Variants in TRABD2B observed in about 807,000 individuals in gnomAD.
TRABD2B encodes metalloprotease TIKI2.
Under a neutral mutation model 40.1 loss-of-function variants are expected in TRABD2B, and 14 were observed. That is an observed-to-expected ratio of 0.35 (90% CI 0.23 to 0.55). The LOEUF (loss-of-function observed/expected upper bound fraction) is 0.55, where lower values mean the gene tolerates loss of function less well. Ranked by LOEUF, TRABD2B falls within the 20% of genes least tolerant of loss-of-function variation. TRABD2B has a pLI of 0.90. For missense variants in TRABD2B, 541 were observed against 648.6 expected (o/e 0.83, Z 1.80); for synonymous variants, 263 against 277.0 (o/e 0.95, Z 0.50).
chr1:47,961,684 A>T (rs1645518392), intron 2 of TRABD2B, among the ~76,000 whole-genome samples: 1 of 152,178 alleles, frequency 6.6e-6, no homozygotes. Context: ...CACCAGTTAG[A>T]ATGGCGATCA....
chr1:47,917,598 G>A (rs572617515), intron 2 of TRABD2B, among the ~76,000 whole-genome samples: 1 of 152,200 alleles, frequency 6.6e-6, no homozygotes, highest in South Asian at 2.1e-4. Flanking sequence ...ATGGTGGCAT[G>A]TGCCATGTGC....
intron 2 of TRABD2B, among the ~76,000 whole-genome samples, chr1:47,972,145 A>G (rs1645690675): frequency 1.3e-5 from 2 of 152,230 alleles, no homozygotes; most frequent in Non-Finnish European, 2.9e-5. Flanking sequence ...ATTACAATAA[A>G]TTAAATACTG....
intron 2 of TRABD2B, among the ~76,000 whole-genome samples, chr1:47,880,524 C>A (rs1034516436): frequency 1.3e-5 from 2 of 152,108 alleles, no homozygotes; most frequent in Admixed American, 6.5e-5. Context: ...GCATGGAACG[C>A]GGATACCAGG....
intron 2 of TRABD2B, among the ~76,000 whole-genome samples, chr1:47,977,779 T>C (rs1305569506): frequency 6.6e-6 from 1 of 151,536 alleles, no homozygotes; most frequent in African/African-American, 2.4e-5. Flanking sequence ...TTGAAAAGTA[T>C]GCCTCTGGAT....
Position 47,765,030 on chromosome 1 carries a change from C to T in TRABD2B, c.*872G>A, listed in dbSNP as rs74775502. The T allele has an allele frequency of 0.014, 2,090 of 152,384 alleles. 18 individuals carry two copies. Among genetic ancestry groups the T allele is most frequent in the Non-Finnish European group, 0.023 (1,558 of 68,096 alleles). 9.4% of individuals were successfully genotyped at this position (152,384 alleles called of 1,614,324 possible). ...CTAAAACTGCCCTCCTGTGCCCACT[C>T]CAGTCCCTCGGCCCAGCTCAATCCA... On this transcript the variant is annotated 3_prime_UTR_variant, in exon 7 of 7. Transcript: ENST00000606738.
chr1:47,973,129 C>T (rs539079825), intron 2 of TRABD2B, among the ~76,000 whole-genome samples: 5 of 152,296 alleles, frequency 3.3e-5, no homozygotes, highest in African/African-American at 9.6e-5. Flanking sequence ...CCAAGAGATG[C>T]TGATTTAGTG....
chr1:47,792,122 C>T (rs931053611), intron 4 of TRABD2B, among the ~76,000 whole-genome samples: 4 of 152,194 alleles, frequency 2.6e-5, no homozygotes, highest in Non-Finnish European at 5.9e-5. Flanking sequence ...AGGATCTGCA[C>T]GTGGCTCCAG....
chr1:47,960,964 C>T (rs1019631761), intron 2 of TRABD2B, among the ~76,000 whole-genome samples: 1 of 152,096 alleles, frequency 6.6e-6, no homozygotes, highest in African/African-American at 2.4e-5. Context: ...TCAAACTATA[C>T]TACAAGGCTA....
At chr1:47,948,040 C>T (rs1163169579) in intron 2 of TRABD2B, among the ~76,000 whole-genome samples, 1 of 152,160 alleles carries the variant, frequency 6.6e-6, no homozygotes, top group African/African-American at 2.4e-5. Flanking sequence ...GACATGGACT[C>T]TTAAATCTGT....
chr1:47,952,444 GC>G (rs1645358827), intron 2 of TRABD2B, among the ~76,000 whole-genome samples: 2 of 152,184 alleles, frequency 1.3e-5, no homozygotes, highest in Non-Finnish European at 2.9e-5. Flanking sequence ...GGGCAGCCAA[GC>G]CCACAATGGC....
At chr1:47,821,992 T>C (rs1645116509) in intron 2 of TRABD2B, among the ~76,000 whole-genome samples, 2 of 152,158 alleles carry the variant, frequency 1.3e-5, no homozygotes. Flanking sequence ...TGTTCTCTCG[T>C]AGACATTCAC....
At chr1:47,952,928 G>A (rs572275075) in intron 2 of TRABD2B, among the ~76,000 whole-genome samples, 1 of 152,242 alleles carries the variant, frequency 6.6e-6, no homozygotes, top group East Asian at 1.9e-4. Context: ...GAAGGTGCGG[G>A]TCTCCTCTTG....
At chr1:47,828,462 G>C (rs907111298) in intron 2 of TRABD2B, among the ~76,000 whole-genome samples, 42 of 152,318 alleles carry the variant, frequency 2.8e-4, no homozygotes, top group African/African-American at 9.1e-4. Flanking sequence ...ACTGGGATTT[G>C]ACAGTGCACG....
intron 6 of TRABD2B, among the ~76,000 whole-genome samples, chr1:47,767,278 G>T (rs1017247874): frequency 6.6e-6 from 1 of 152,198 alleles, no homozygotes; most frequent in Non-Finnish European, 1.5e-5. Context: ...AGACAGAGGA[G>T]CCCACAAGCC....
chr1:47,931,724 T>C (rs1011965060), intron 2 of TRABD2B, among the ~76,000 whole-genome samples: 1 of 151,992 alleles, frequency 6.6e-6, no homozygotes, highest in African/African-American at 2.4e-5. Flanking sequence ...AATACCCGAG[T>C]GAACTCTCAG....
intron 2 of TRABD2B, among the ~76,000 whole-genome samples, chr1:47,817,403 G>A (rs1037069546): frequency 3.3e-5 from 5 of 152,022 alleles, no homozygotes; most frequent in African/African-American, 7.2e-5. Context: ...GAAACGGTGC[G>A]TCCAGGGGTC....
At chr1:47,828,444 A>G (rs940281381) in intron 2 of TRABD2B, among the ~76,000 whole-genome samples, 3 of 152,182 alleles carry the variant, frequency 2.0e-5, no homozygotes, top group African/African-American at 7.2e-5. Flanking sequence ...TAATTGTGCT[A>G]GAAAGTCACT....
At chr1:47,766,359 C>G (rs992473976) in intron 6 of TRABD2B, among the ~76,000 whole-genome samples, 2 of 152,238 alleles carry the variant, frequency 1.3e-5, no homozygotes, top group African/African-American at 2.4e-5. Flanking sequence ...GTTGTCACAT[C>G]TCAGCCACTC....
At chr1:47,941,021 G>A (rs1394898135) in intron 2 of TRABD2B, among the ~76,000 whole-genome samples, 2 of 152,098 alleles carry the variant, frequency 1.3e-5, no homozygotes, top group South Asian at 2.1e-4. Context: ...CTGGCTGGCT[G>A]TCTCTGTCCC....
Sources: gnomAD v4.1 joint callset for allele counts (sites outside exome capture counted in the v4.1 genomes callset) on GRCh38, gnomAD v4.1.1 for gene constraint, MANE v1.5 for transcripts, NCBI Gene and HGNC (gene_info 2026-07-23, HGNC 2026-07-21) for gene names.